SH3BGR: variants seen among roughly 807,000 people sequenced by gnomAD.
SH3BGR encodes the protein SH3 domain binding glutamate rich protein.
Under a neutral mutation model 24.5 loss-of-function variants are expected in SH3BGR, and 29 were observed. That is an observed-to-expected ratio of 1.18 (90% CI 0.88 to 1.61). SH3BGR has a LOEUF of 1.61. SH3BGR is among the 40% of genes most tolerant of loss of function. The pLI is 0.00. For synonymous variants in SH3BGR, 55 were observed against 65.7 expected (o/e 0.84, Z 0.79); for missense variants, 162 against 205.8 (o/e 0.79, Z 1.30).
intron 3 of SH3BGR, among the ~76,000 whole-genome samples, chr21:39,496,593 A>G (rs1264899960): frequency 6.6e-6 from 1 of 152,034 alleles, no homozygotes; most frequent in Non-Finnish European, 1.5e-5. Flanking sequence ...AGTGAAATGC[A>G]TTAGAATTGA....
intron 1 of SH3BGR, 41 bp from the exon 2 acceptor site, chr21:39,462,334 A>C: frequency 6.7e-7 from 1 of 1,483,268 alleles, no homozygotes; most frequent in Non-Finnish European, 9.2e-7. Flanking sequence ...TAAGCAAAAT[A>C]TTTTTCATAA....
At chr21:39,494,829 A>G (rs1186150406) in intron 3 of SH3BGR, among the ~76,000 whole-genome samples, 1 of 152,032 alleles carries the variant, frequency 6.6e-6, no homozygotes, top group Non-Finnish European at 1.5e-5. Flanking sequence ...TGGCACTCTA[A>G]TTACATATAT....
At chr21:39,492,043 T>C (rs2078307313) in intron 3 of SH3BGR, 1 of 152,250 alleles carries the variant, frequency 6.6e-6, no homozygotes, top group Non-Finnish European at 1.5e-5. Context: ...TGGCATTATT[T>C]GGTAGTGGTT....
intron 3 of SH3BGR, among the ~76,000 whole-genome samples, chr21:39,483,064 G>A (rs1384872471): frequency 6.6e-6 from 1 of 152,186 alleles, no homozygotes; most frequent in Non-Finnish European, 1.5e-5. Flanking sequence ...GTCAAAACTT[G>A]AGGAGGATTG....
upstream of SH3BGR, chr21:39,451,957 A>G (rs1602056967): frequency 6.2e-6 from 10 of 1,613,996 alleles, no homozygotes; most frequent in East Asian, 2.2e-4. Context: ...TTGGAGCGGG[A>G]CTGCCGGAGC....
chr21:39,486,719 A>ATTTTTAT (rs2078217631), intron 3 of SH3BGR, among the ~76,000 whole-genome samples: 1 of 152,076 alleles, frequency 6.6e-6, no homozygotes, highest in East Asian at 1.9e-4. Context: ...ATGTCTTTTT[A>ATTTTTAT]TTTTTATTTT....
chr21:39,482,533 GT>G (rs2078146380), intron 3 of SH3BGR, among the ~76,000 whole-genome samples: 1 of 152,192 alleles, frequency 6.6e-6, no homozygotes, highest in Non-Finnish European at 1.5e-5. Flanking sequence ...GAATGCCCTT[GT>G]TTTTAGAAGA....
chr21:39,494,854 T>G (rs2123478742), intron 3 of SH3BGR, among the ~76,000 whole-genome samples: 1 of 152,278 alleles, frequency 6.6e-6, no homozygotes, highest in Non-Finnish European at 1.5e-5. Flanking sequence ...AATCTTTTGT[T>G]ATTATTCCAC....
At chr21:39,500,610 G>A (rs571489883) in intron 4 of SH3BGR, among the ~76,000 whole-genome samples, 233 of 152,258 alleles carry the variant, frequency 1.5e-3, no homozygotes, top group Middle Eastern at 0.01. Flanking sequence ...AGCCTGGTGG[G>A]GCTGGGAATG....
At chr21:39,489,724 G>T (rs750532046) in intron 3 of SH3BGR, among the ~76,000 whole-genome samples, 77 of 152,198 alleles carry the variant, frequency 5.1e-4, no homozygotes, top group Admixed American at 5.2e-4. Flanking sequence ...AGTAATTGCG[G>T]TTTTTGCCAT....
At chr21:39,510,004 G>T (rs575038191) in intron 5 of SH3BGR, among the ~76,000 whole-genome samples, 1 of 127,058 alleles carries the variant, frequency 7.9e-6, no homozygotes, top group Admixed American at 7.5e-5. Flanking sequence ...TTGCAGTGGC[G>T]CAATCTCGGC....
At chr21:39,501,543 G>C (rs946944795) in intron 4 of SH3BGR, among the ~76,000 whole-genome samples, 1 of 152,124 alleles carries the variant, frequency 6.6e-6, no homozygotes, top group Non-Finnish European at 1.5e-5. Flanking sequence ...TATTTTATAT[G>C]AATATATTAC....
At position 39,499,818 on chromosome 21, in the gene SH3BGR, A is replaced by C. The variant is rs750531382; in HGVS notation, c.313-5A>C. On this transcript the variant is annotated splice_region_variant and splice_polypyrimidine_tract_variant and intron_variant, in intron 3 of 6. Coordinates refer to ENST00000333634, the MANE Select transcript of SH3BGR (RefSeq NM_007341.3). ...GCTCATATCCTGGGTTTCCTTTATG[A>C]CCAGGGATCAGAGAAGGCTGAAGAA... 2 of 1,609,798 alleles carry C rather than the reference A, an allele frequency of 1.2e-6. No individual in the cohort carries two copies. The highest frequency in any genetic ancestry group is 1.7e-6 in the Non-Finnish European group (2 of 1,177,380).
In SH3BGR at chr21:39,496,670, C is replaced by A. The variant is rs570580792; in HGVS notation, c.313-3153C>A. 6.8e-4 allele frequency among the ~76,000 whole-genome samples: 103 copies of A among 152,040 alleles called. 1 individual carries two copies. The highest frequency in any genetic ancestry group is 2.3e-3 in the African/African-American group (96 of 41,494). On this transcript the variant is annotated intron_variant, in intron 3 of 6. Transcript: ENST00000333634. ...AAAAATTTGTAGGTTTTGTTTACATCAATAATTATAAGTAGTAAGTTAAAA... is the reference window on the plus strand; with the variant it reads ...AAAAATTTGTAGGTTTTGTTTACATAAATAATTATAAGTAGTAAGTTAAAA...
In SH3BGR at chr21:39,494,545, T is replaced by G. The variant is rs143281601; in HGVS notation, c.313-5278T>G. 3.0e-3 allele frequency among the ~76,000 whole-genome samples: 455 copies of G among 152,234 alleles called. 1 individual carries two copies. The highest frequency in any genetic ancestry group is 0.01 in the African/African-American group (435 of 41,566). Reference sequence around the variant, plus strand: ...ACACCTTGGATGTGTTTTTTTCCCTTCTGTCTTCTGATCTCCATAGTTTCT... The same window carrying G: ...ACACCTTGGATGTGTTTTTTTCCCTGCTGTCTTCTGATCTCCATAGTTTCT... On this transcript the variant is annotated intron_variant, in intron 3 of 6. Transcript: ENST00000333634.
intron 3 of SH3BGR, among the ~76,000 whole-genome samples, chr21:39,499,406 C>T (rs866246863): frequency 2.6e-5 from 4 of 152,214 alleles, no homozygotes; most frequent in Non-Finnish European, 2.9e-5. Context: ...TCCATGCATC[C>T]ATCCATTTAT....
At chr21:39,501,752 G>A (rs978261155) in intron 4 of SH3BGR, among the ~76,000 whole-genome samples, 7 of 152,200 alleles carry the variant, frequency 4.6e-5, no homozygotes, top group Non-Finnish European at 8.8e-5. Context: ...CCTTATGAGT[G>A]TATATGAAAA....
intron 1 of SH3BGR, among the ~76,000 whole-genome samples, chr21:39,455,659 G>A (rs1423366587): frequency 6.6e-6 from 1 of 152,194 alleles, no homozygotes; most frequent in Non-Finnish European, 1.5e-5. Flanking sequence ...TAGAGCCGGG[G>A]CACAGGGGTG....
chr21:39,456,714 T>G (rs1357452213), intron 1 of SH3BGR, among the ~76,000 whole-genome samples: 7 of 152,222 alleles, frequency 4.6e-5, no homozygotes. Flanking sequence ...GGCCTGATCC[T>G]GGGGAATTAC....
Sources: allele counts gnomAD v4.1 joint callset (sites outside exome capture counted in the v4.1 genomes callset), GRCh38; gene constraint gnomAD v4.1.1; transcripts MANE v1.5; gene names NCBI Gene and HGNC (gene_info 2026-07-23, HGNC 2026-07-21).